The following ZNF490 variants were observed in gnomAD, a reference collection of about 807,000 sequenced individuals.
The protein encoded by ZNF490 is zinc finger protein 490.
Under a neutral mutation model 17.7 loss-of-function variants are expected in ZNF490, and 11 were observed. The ratio of observed to expected loss-of-function variants is 0.62; its 90% confidence interval spans 0.39 to 1.03. ZNF490 has a LOEUF of 1.03. Ranked by LOEUF, ZNF490 falls within the 50% of genes least tolerant of loss-of-function variation. The probability of loss-of-function intolerance (pLI) is 0.00; values close to 1 mark genes in which losing one functional copy is unlikely to be tolerated. For synonymous variants in ZNF490, 222 were observed against 216.1 expected (o/e 1.03, Z -0.24); for missense variants, 542 against 643.4 (o/e 0.84, Z 1.71).
At position 12,577,657 on chromosome 19, in the gene ZNF490, C is replaced by T. The variant is rs3745653; in HGVS notation, c.*2828G>A. 1.9e-5 allele frequency: 19 copies of T among 985,488 alleles called. No individual in the cohort carries two copies. The East Asian group carries it at 2.2e-3, about 112-fold the overall frequency. The allele number at this position is 985,488 out of a possible 1,614,324, so 61.0% of individuals were successfully genotyped here. A position where few individuals can be genotyped will look rare whatever the true frequency, so the allele number is the denominator to read the frequency against. On this transcript the variant is annotated 3_prime_UTR_variant, in exon 5 of 5. Coordinates refer to ENST00000311437, the MANE Select transcript of ZNF490 (RefSeq NM_020714.3). ...TGCCAGCAAACCTTGCTCCAGTCGGCCTCTGGACCCTAGTATCTTCACCGT... is the reference window on the plus strand; with the variant it reads ...TGCCAGCAAACCTTGCTCCAGTCGGTCTCTGGACCCTAGTATCTTCACCGT...
chr19:12,576,591 G>A lies in ZNF490; in HGVS notation c.*3894C>T, dbSNP rs543113644. ...GCACTTTGGGGAGACCGAGGTGGGT[G>A]GATCACAAGGTCAGGAGATTGAGAC... On this transcript the variant is annotated 3_prime_UTR_variant, in exon 5 of 5. Transcript: ENST00000311437. Among the ~76,000 whole-genome samples, 6 of 147,116 alleles carry A rather than the reference G, an allele frequency of 4.1e-5. No homozygotes were observed. Among genetic ancestry groups the A allele is most frequent in the South Asian group, 2.2e-4 (1 of 4,638 alleles).
chr19:12,598,546 G>T (rs2022962517), intron 2 of ZNF490, among the ~76,000 whole-genome samples: 1 of 151,018 alleles, frequency 6.6e-6, no homozygotes, highest in Non-Finnish European at 1.5e-5. Context: ...GGCTAATTTT[G>T]TATTTTTAGT....
chr19:12,604,470 T>G (rs1022556592), intron 2 of ZNF490, among the ~76,000 whole-genome samples: 2 of 151,852 alleles, frequency 1.3e-5, no homozygotes, highest in Non-Finnish European at 2.9e-5. Context: ...GCCAGCATGG[T>G]GAAACCCTGC....
In ZNF490 at chr19:12,580,515, G is replaced by A. The variant is rs778005774; in HGVS notation, c.1560C>T (p.His520=). 40 of 1,607,782 alleles carry A rather than the reference G, an allele frequency of 2.5e-5. No individual in the cohort carries two copies. The highest frequency in any genetic ancestry group is 1.8e-4 in the South Asian group (16 of 90,214). Residue 520 remains histidine, a synonymous_variant, in exon 5 of 5, where the codon CAC becomes CAT. Transcript: ENST00000311437. ...AFSYSKSLHV[H]ERTHSRQKP The stretch of plus-strand genomic sequence containing the variant: ...GCTTCTGTCTACTATGAGTCCTTTC[G>A]TGCACGTGCAAAGACTTTGAGTAAC...
At position 12,598,711 on chromosome 19, in the gene ZNF490, G is replaced by A. The variant is rs370961046; in HGVS notation, c.162+10447C>T. Among the ~76,000 whole-genome samples, 108 of 151,118 alleles carry A rather than the reference G, an allele frequency of 7.1e-4. 1 individual carries two copies. Among genetic ancestry groups the A allele is most frequent in the African/African-American group, 2.4e-3 (98 of 41,336 alleles). ...CCTTTTTAAAACCCAGGATTCTGCCGGGCGCGGTGGCTCATGCCTGTAATC... is the reference window on the plus strand; with the variant it reads ...CCTTTTTAAAACCCAGGATTCTGCCAGGCGCGGTGGCTCATGCCTGTAATC... On this transcript the variant is annotated intron_variant, in intron 2 of 4. Transcript: ENST00000311437.
In ZNF490 at chr19:12,578,104, G is replaced by A; in HGVS notation, c.*2381C>T. 1 of 985,442 alleles carries A rather than the reference G, an allele frequency of 1.0e-6. No individual in the cohort carries two copies. The highest frequency in any genetic ancestry group is 1.2e-6 in the Non-Finnish European group (1 of 829,990). The allele number at this position is 985,442 out of a possible 1,614,324, so 61.0% of individuals were successfully genotyped here. A position where few individuals can be genotyped will look rare whatever the true frequency, so the allele number is the denominator to read the frequency against. On this transcript the variant is annotated 3_prime_UTR_variant, in exon 5 of 5. Transcript: ENST00000311437. ...TGCAGGGTGGGTCCTTTTCCAAGAA[G>A]AGCTAAGTGCTAGTCTTAGCGGGAG...
chr19:12,590,167 A>G (rs60690966), intron 2 of ZNF490, among the ~76,000 whole-genome samples: 92,397 of 151,108 alleles, frequency 0.61, 29,177 homozygotes, highest in Non-Finnish European at 0.69. Flanking sequence ...CGCCCGTCTC[A>G]GCCTCCCAAA....
intron 2 of ZNF490, among the ~76,000 whole-genome samples, chr19:12,600,070 A>G (rs2022983301): frequency 1.3e-5 from 2 of 152,160 alleles, no homozygotes; most frequent in South Asian, 4.1e-4. Flanking sequence ...TTTTATTAAG[A>G]ATTGGGTTTA....
At chr19:12,604,213 C>A (rs966929451) in intron 2 of ZNF490, among the ~76,000 whole-genome samples, 1 of 152,214 alleles carries the variant, frequency 6.6e-6, no homozygotes, top group African/African-American at 2.4e-5. Context: ...TCATTCGTAT[C>A]ATTTAAAATA....
At chr19:12,596,264 C>CAAAAA (rs74180082) in intron 2 of ZNF490, among the ~76,000 whole-genome samples, 6 of 93,212 alleles carry the variant, frequency 6.4e-5, no homozygotes, top group Admixed American at 1.2e-4. Flanking sequence ...GACTCCGTCT[C>CAAAAA]AAAAAAAAAA....
intron 1 of ZNF490, chr19:12,609,872 A>G (rs989765021): frequency 9.1e-6 from 4 of 441,542 alleles, no homozygotes; most frequent in Non-Finnish European, 1.8e-5. Context: ...AATATTACCT[A>G]TTGGGTACAA....
At chr19:12,595,123 C>A (rs2022915717) in intron 2 of ZNF490, among the ~76,000 whole-genome samples, 1 of 151,956 alleles carries the variant, frequency 6.6e-6, no homozygotes, top group Non-Finnish European at 1.5e-5. Context: ...GAAAGCCAAG[C>A]ACATGCAGTG....
rs2022699799 is a variant in ZNF490 at position 12,579,781 on chromosome 19, G to A, written c.*704C>T. ...ATCACACCACTGCACTCCAGCCTGG[G>A]GCAACAGAGTGAGACACCATCTTGG... is the stretch of plus-strand genomic sequence containing the variant. On this transcript the variant is annotated 3_prime_UTR_variant, in exon 5 of 5. Coordinates refer to ENST00000311437, the MANE Select transcript of ZNF490 (RefSeq NM_020714.3). 1 of 152,232 alleles carries A rather than the reference G, an allele frequency of 6.6e-6. No homozygotes were observed. The highest frequency in any genetic ancestry group is 2.1e-4 in the South Asian group (1 of 4,836). 9.4% of individuals were successfully genotyped at this position (152,232 alleles called of 1,614,324 possible).
chr19:12,602,582 G>C (rs1020775291), intron 2 of ZNF490, among the ~76,000 whole-genome samples: 2 of 151,692 alleles, frequency 1.3e-5, no homozygotes, highest in Non-Finnish European at 2.9e-5. Flanking sequence ...CTTCCTAGAG[G>C]GTAATGGTCA....
chr19:12,581,398 T>A lies in ZNF490; in HGVS notation c.677A>T (p.Glu226Val). Residue 226 changes from glutamate to valine, a missense_variant, in exon 5 of 5, where the codon GAA becomes GTA. Transcript: ENST00000311437. The part of the protein sequence containing the change: ...HTGEKPYECK[E>V]CGKAFAFLFS... ...GAGAAATGCGAAGGCTTTGCCACAT[T>A]CCTTACATTCATAGGGTTTCTCTCC... is the stretch of plus-strand genomic sequence containing the variant. The A allele has an allele frequency of 6.2e-7, 1 of 1,614,192 alleles. No individual in the cohort carries two copies. The highest frequency in any genetic ancestry group is 8.5e-7 in the Non-Finnish European group (1 of 1,179,996).
chr19:12,598,305 G>A (rs780003012), intron 2 of ZNF490, among the ~76,000 whole-genome samples: 2 of 152,104 alleles, frequency 1.3e-5, no homozygotes, highest in South Asian at 2.1e-4. Context: ...TAGACACTTA[G>A]AAATGTCTTT....
Position 12,582,762 on chromosome 19 carries a change from C to T in ZNF490, c.350+88G>A, listed in dbSNP as rs2022755472. On this transcript the variant is annotated intron_variant, in intron 4 of 4. Coordinates refer to ENST00000311437, the MANE Select transcript of ZNF490 (RefSeq NM_020714.3). ...AAGAATGAATAAACCTGAAACTCTG[C>T]TTATTGTTTTGCTTGCTTGGCTTTT... The T allele has an allele frequency of 2.8e-5, 32 of 1,135,670 alleles. No homozygotes were observed. In the South Asian group the frequency reaches 3.9e-4, roughly 14 times the overall value. 70.3% of individuals were successfully genotyped at this position (1,135,670 alleles called of 1,614,324 possible).
intron 2 of ZNF490, among the ~76,000 whole-genome samples, chr19:12,603,182 C>A (rs995681054): frequency 6.6e-6 from 1 of 152,032 alleles, no homozygotes. Flanking sequence ...ATTTCCTAAG[C>A]GACTAGAGCA....
rs868471571 is a variant in ZNF490 at position 12,585,749 on chromosome 19, G to A, written c.163-2193C>T. ...CTGTCACCCAGGCTGGAGTGCAGTG[G>A]TGCAATCTTGGCTCACTACAACCCC... On this transcript the variant is annotated intron_variant, in intron 2 of 4. Transcript: ENST00000311437. 1.5e-4 allele frequency among the ~76,000 whole-genome samples: 14 copies of A among 92,784 alleles called. 4 individuals are homozygous for A. Among genetic ancestry groups the A allele is most frequent in the African/African-American group, 3.9e-4 (12 of 31,070 alleles). The allele number at this position is 92,784 out of a possible 152,430, so 60.9% of individuals were successfully genotyped here.
Sources: gnomAD v4.1 joint callset for allele counts (sites outside exome capture counted in the v4.1 genomes callset) on GRCh38, gnomAD v4.1.1 for gene constraint, MANE v1.5 for transcripts, NCBI Gene and HGNC (gene_info 2026-07-23, HGNC 2026-07-21) for gene names.